ANO1: variants seen among roughly 807,000 people sequenced by gnomAD.
ANO1 encodes the protein anoctamin-1.
In ANO1, 59 loss-of-function variants were observed where a neutral mutation model predicts 124.0. The observed-to-expected ratio is 0.48, with a 90% CI of 0.39 to 0.59. The LOEUF (loss-of-function observed/expected upper bound fraction) is 0.59, where lower values mean the gene tolerates loss of function less well. Ranked by LOEUF, ANO1 falls within the 20% of genes least tolerant of loss-of-function variation. The pLI, the probability that ANO1 is intolerant of heterozygous loss-of-function variation, is 0.00. For synonymous variants in ANO1, 529 were observed against 532.0 expected (o/e 0.99, Z 0.08); for missense variants, 1,059 against 1,328.0 (o/e 0.80, Z 3.15).
At chr11:69,985,012 C>G (rs1856007806), upstream of ANO1, among the ~76,000 whole-genome samples, 1 of 152,214 alleles carries the variant, frequency 6.6e-6, no homozygotes. Context: ...TGCAGTTCCC[C>G]ACGCCCGCCC....
chr11:69,983,020 C>T (rs1554996417), upstream of ANO1, among the ~76,000 whole-genome samples: 2 of 152,250 alleles, frequency 1.3e-5, no homozygotes, highest in East Asian at 3.9e-4. Context: ...AGGAGAAATG[C>T]ACAGAGGGAG....
chr11:70,136,604 T>G (rs1441092670), intron 11 of ANO1, among the ~76,000 whole-genome samples: 2 of 147,212 alleles, frequency 1.4e-5, no homozygotes, highest in Admixed American at 7.1e-5. Flanking sequence ...TGTGAGCAAG[T>G]GAGGGCCCAG....
intron 1 of ANO1, among the ~76,000 whole-genome samples, chr11:69,996,775 T>C (rs1409803526): frequency 6.6e-6 from 1 of 152,190 alleles, no homozygotes; most frequent in Non-Finnish European, 1.5e-5. Context: ...CTGAGGACAA[T>C]AATCCCTGAA....
At chr11:70,170,227 C>G (rs1236391749) in intron 21 of ANO1, 6 of 451,742 alleles carry the variant, frequency 1.3e-5, no homozygotes, top group Non-Finnish European at 2.7e-5. Flanking sequence ...ACTGCCACGT[C>G]CCTTCCCAGC....
At chr11:69,987,150 C>A (rs552866687) in intron 1 of ANO1, among the ~76,000 whole-genome samples, 1 of 152,272 alleles carries the variant, frequency 6.6e-6, no homozygotes, top group South Asian at 2.1e-4. Flanking sequence ...ATTAAAGGCC[C>A]AGAAGAAAGA....
chr11:70,127,573 G>A (rs2046573402), intron 10 of ANO1, among the ~76,000 whole-genome samples: 1 of 152,208 alleles, frequency 6.6e-6, no homozygotes, highest in African/African-American at 2.4e-5. Context: ...GCGCATGCCT[G>A]TAATGCCAAC....
Position 70,187,925 on chromosome 11 carries a change from A to G in ANO1, c.2882A>G (p.Asn961Ser). 3 of 1,584,986 alleles carry G rather than the reference A, an allele frequency of 1.9e-6. No individual in the cohort carries two copies. The highest frequency in any genetic ancestry group is 1.2e-5 in the South Asian group (1 of 86,914). ...CGGCAGAAGGACGAGCCGCCGTGCA[A>G]CCACCACAACACCAAAGCCTGCCCA... ...KERQKDEPPC[N>S]HHNTKACPDS... Residue 961 changes from asparagine (N) to serine (S), a missense_variant, in exon 26 of 26, where the codon AAC becomes AGC. Around this residue, in one of 2 missense-constraint regions of ANO1, gnomAD observed 809 missense variants for 1,094.9 expected, o/e 0.74. Coordinates refer to ENST00000355303, the MANE Select transcript of ANO1 (RefSeq NM_018043.7).
intron 15 of ANO1, 73 bp downstream of exon 15, chr11:70,156,061 CA>C: frequency 7.5e-7 from 1 of 1,337,336 alleles, no homozygotes; most frequent in Non-Finnish European, 9.9e-7. Context: ...TGTTTTTCCT[CA>C]ACAAACTGTT....
intron 2 of ANO1, among the ~76,000 whole-genome samples, chr11:70,094,594 T>C (rs2044767598): frequency 1.3e-5 from 2 of 152,154 alleles, no homozygotes; most frequent in Non-Finnish European, 2.9e-5. Context: ...AGAATTTCGA[T>C]CCTGAGCTGA....
chr11:70,155,730 C>T (rs2047784072), intron 14 of ANO1, among the ~76,000 whole-genome samples, 181 bp from the exon 15 acceptor site: 1 of 152,252 alleles, frequency 6.6e-6, no homozygotes, highest in South Asian at 2.1e-4. Context: ...ACGTAGGTCT[C>T]TGCCGTCTCT....
chr11:69,970,207 C>T, the ANO1 span, among the ~76,000 whole-genome samples: 2 of 152,210 alleles, frequency 1.3e-5, no homozygotes, highest in South Asian at 2.1e-4. Flanking sequence ...CCGAGGAGAC[C>T]CCAAAGAGGT....
intron 9 of ANO1, among the ~76,000 whole-genome samples, chr11:70,125,304 C>G (rs1247717254): frequency 6.6e-6 from 1 of 151,648 alleles, no homozygotes; most frequent in Non-Finnish European, 1.5e-5. Flanking sequence ...GATCGCGCCA[C>G]TGCACTGCAG....
At chr11:70,020,717 G>A (rs1222267692) in intron 1 of ANO1, among the ~76,000 whole-genome samples, 1 of 152,222 alleles carries the variant, frequency 6.6e-6, no homozygotes, top group Non-Finnish European at 1.5e-5. Flanking sequence ...CCCAGAGGGG[G>A]ACAGAGTGCT....
In ANO1 at chr11:70,152,573, G is replaced by A. The variant is rs578188767; in HGVS notation, c.1353+112G>A. Reference sequence around the variant, plus strand: ...CACGCAGTTCCCGCAGTTCCTCCACGCGGGTGGGGTCTCTGCTTTCTCCCC... The same window carrying A: ...CACGCAGTTCCCGCAGTTCCTCCACACGGGTGGGGTCTCTGCTTTCTCCCC... On this transcript the variant is annotated intron_variant, in intron 13 of 25. Transcript: ENST00000355303. 61 of 1,283,584 alleles carry A rather than the reference G, an allele frequency of 4.8e-5. No homozygotes were observed. The African/African-American group carries it at 5.4e-4, about 11-fold the overall frequency. The allele number at this position is 1,283,584 out of a possible 1,614,324, so 79.5% of individuals were successfully genotyped here. A position where few individuals can be genotyped will look rare whatever the true frequency, so the allele number is the denominator to read the frequency against.
intron 23 of ANO1, 83 bp from the exon 24 acceptor site, chr11:70,182,419 C>A: frequency 1.6e-6 from 2 of 1,217,222 alleles, no homozygotes; most frequent in Non-Finnish European, 2.2e-6. Context: ...TCCAGTGTAA[C>A]TGTGGATGGG....
intron 1 of ANO1, among the ~76,000 whole-genome samples, chr11:70,038,335 G>C (rs551540127): frequency 1.4e-3 from 206 of 152,154 alleles, no homozygotes; most frequent in Non-Finnish European, 2.6e-3. Context: ...TTAGCCAATC[G>C]GGTCAAGCTT....
At chr11:70,183,407 A>G (rs2049001731) in intron 24 of ANO1, among the ~76,000 whole-genome samples, 1 of 152,192 alleles carries the variant, frequency 6.6e-6, no homozygotes, top group African/African-American at 2.4e-5. Flanking sequence ...TTACTGCCCC[A>G]TCTTGGGTCA....
intron 14 of ANO1, among the ~76,000 whole-genome samples, chr11:70,155,024 C>T (rs751889475): frequency 3.3e-5 from 5 of 152,202 alleles, no homozygotes; most frequent in African/African-American, 7.2e-5. Flanking sequence ...GTTTTCAGGG[C>T]GGCATCCCGG....
chr11:70,044,974 A>G (rs1857237156), intron 1 of ANO1, among the ~76,000 whole-genome samples: 1 of 152,238 alleles, frequency 6.6e-6, no homozygotes, highest in African/African-American at 2.4e-5. Flanking sequence ...ACATAAAGAA[A>G]TATTCAGTAA....
Sources: allele counts gnomAD v4.1 joint callset (sites outside exome capture counted in the v4.1 genomes callset), GRCh38; gene constraint gnomAD v4.1.1; regional missense constraint gnomAD v4.1.1; transcripts MANE v1.5; gene names NCBI Gene and HGNC (gene_info 2026-07-23, HGNC 2026-07-21).